The following TCF7L2 variants were observed in gnomAD, a reference collection of about 807,000 sequenced individuals.
TCF7L2 encodes the protein transcription factor 7 like 2.
TCF7L2 carries 23 observed loss-of-function variants against 77.9 expected under a neutral mutation model. The ratio of observed to expected loss-of-function variants is 0.30; its 90% CI spans 0.21 to 0.42. TCF7L2 has a LOEUF of 0.42. Among genes scored for constraint, TCF7L2 ranks in the 10% least tolerant of loss-of-function variants. TCF7L2 has a pLI of 1.00. For synonymous variants in TCF7L2, 413 were observed against 340.2 expected, an observed-to-expected ratio of 1.21 and a Z score of -2.36; for missense variants, 654 against 793.1, an observed-to-expected ratio of 0.82 and a Z score of 2.11.
At chr10:113,051,153 A>C (rs1362631127) in intron 5 of TCF7L2, among the ~76,000 whole-genome samples, 1 of 151,626 alleles carries the variant, frequency 6.6e-6, no homozygotes, top group East Asian at 1.9e-4. Context: ...CCACGCAGAG[A>C]GGATCTAAAT....
chr10:113,088,813 A>C (rs1362875325), intron 5 of TCF7L2, among the ~76,000 whole-genome samples: 1 of 152,006 alleles, frequency 6.6e-6, no homozygotes, highest in East Asian at 1.9e-4. Context: ...AAATAAAAAT[A>C]AAAAGATTAG....
chr10:113,056,057 G>A (rs1345636757), intron 5 of TCF7L2, among the ~76,000 whole-genome samples: 3 of 152,170 alleles, frequency 2.0e-5, no homozygotes, highest in African/African-American at 7.2e-5. Flanking sequence ...GAAAGTGCTA[G>A]GGCAATAAAT....
At position 112,993,333 on chromosome 10, in the gene TCF7L2, C is replaced by G. The variant is rs745875996; in HGVS notation, c.450+28709C>G. Among the ~76,000 whole-genome samples the G allele has an allele frequency of 1.3e-3, 198 of 151,754 alleles. 1 individual carries two copies. The highest frequency in any genetic ancestry group is 1.4e-3 in the Non-Finnish European group (98 of 67,896). On this transcript the variant is annotated intron_variant, in intron 4 of 13. Coordinates refer to ENST00000627217, the MANE Select transcript of TCF7L2 (RefSeq NM_001146274.2). ...TCAGCCTGGCCAACATGGTAAAACC[C>G]TGTCTCTACTAAAAATACAAAAATT... is the stretch of plus-strand genomic sequence containing the variant.
At chr10:113,155,588 G>A (rs1374168451) in intron 11 of TCF7L2, among the ~76,000 whole-genome samples, 2 of 152,222 alleles carry the variant, frequency 1.3e-5, no homozygotes, top group African/African-American at 4.8e-5. Context: ...TTCTTTGTGT[G>A]TAGAGGAATT....
At chr10:113,009,979 T>A (rs143721027) in intron 4 of TCF7L2, among the ~76,000 whole-genome samples, 32 of 152,216 alleles carry the variant, frequency 2.1e-4, no homozygotes, top group African/African-American at 6.3e-4. Context: ...GTTGGGCTTC[T>A]TTAACCCTGT....
chr10:113,060,375 T>C (rs2056232853), intron 5 of TCF7L2, among the ~76,000 whole-genome samples: 1 of 152,154 alleles, frequency 6.6e-6, no homozygotes, highest in South Asian at 2.1e-4. Context: ...CTTAGAAGCC[T>C]TAAAAGGACT....
chr10:113,077,406 C>T (rs1056402787), intron 5 of TCF7L2, among the ~76,000 whole-genome samples: 3 of 152,152 alleles, frequency 2.0e-5, no homozygotes, highest in Admixed American at 6.6e-5. Context: ...TGTATATTTG[C>T]AGAACTATGC....
chr10:113,109,130 T>C (rs1392941378), intron 5 of TCF7L2, among the ~76,000 whole-genome samples: 3 of 152,164 alleles, frequency 2.0e-5, no homozygotes, highest in Non-Finnish European at 4.4e-5. Context: ...TATTTCCAGC[T>C]TTAGAATTGC....
intron 5 of TCF7L2, among the ~76,000 whole-genome samples, chr10:113,136,116 T>A (rs2067351358): frequency 6.6e-6 from 1 of 152,100 alleles, no homozygotes; most frequent in South Asian, 2.1e-4. Flanking sequence ...GGAAAAAAAA[T>A]ATCTTTACCT....
chr10:113,091,486 A>G (rs1229886080), intron 5 of TCF7L2, among the ~76,000 whole-genome samples: 1 of 152,178 alleles, frequency 6.6e-6, no homozygotes, highest in Non-Finnish European at 1.5e-5. Context: ...TAATCCCAGC[A>G]CTTTGGAAGG....
At chr10:112,987,750 TCTG>T (rs2041828452) in intron 4 of TCF7L2, 1 of 155,026 alleles carries the variant, frequency 6.5e-6, no homozygotes, top group Non-Finnish European at 1.4e-5. Context: ...GGCAGAATCA[TCTG>T]CTCCTGTCCC....
intron 5 of TCF7L2, among the ~76,000 whole-genome samples, chr10:113,048,149 T>G (rs1260732367): frequency 6.6e-6 from 1 of 152,174 alleles, no homozygotes; most frequent in African/African-American, 2.4e-5. Context: ...AAGGTTGTTT[T>G]TGTTTCGGCA....
In TCF7L2 at chr10:112,950,710, C is replaced by T. The variant is rs1399120624; in HGVS notation, c.-47C>T. ...GGGGTGATTTTTTTTGGCTTTTCTTCCTCCTTCATTTTTCTTCCAAAATTG... is the reference window on the plus strand; with the variant it reads ...GGGGTGATTTTTTTTGGCTTTTCTTTCTCCTTCATTTTTCTTCCAAAATTG... On this transcript the variant is annotated 5_prime_UTR_variant, in exon 1 of 14. Transcript: ENST00000627217. The T allele has an allele frequency of 4.6e-6, 7 of 1,518,762 alleles. No homozygotes were observed. The highest frequency in any genetic ancestry group is 1.3e-5 in the South Asian group (1 of 78,872). The allele number at this position is 1,518,762 out of a possible 1,614,324, so 94.1% of individuals were successfully genotyped here. A position where few individuals can be genotyped will look rare whatever the true frequency, so the allele number is the denominator to read the frequency against.
chr10:112,974,547 A>G (rs1330247576), intron 4 of TCF7L2, among the ~76,000 whole-genome samples: 1 of 152,052 alleles, frequency 6.6e-6, no homozygotes, highest in Non-Finnish European at 1.5e-5. Flanking sequence ...GAGTTCAAGC[A>G]ATTCTCTGCC....
chr10:113,038,165 C>T (rs1447451480), intron 4 of TCF7L2, among the ~76,000 whole-genome samples: 1 of 152,122 alleles, frequency 6.6e-6, no homozygotes, highest in Non-Finnish European at 1.5e-5. Context: ...TGTCTGGGGG[C>T]TTGGAGTCCT....
intron 4 of TCF7L2, among the ~76,000 whole-genome samples, chr10:112,993,021 C>T (rs542563767): frequency 6.6e-6 from 1 of 152,120 alleles, no homozygotes; most frequent in African/African-American, 2.4e-5. Context: ...CCTCGGCCTC[C>T]GAAAGTGCTG....
chr10:113,039,227 C>T (rs11592706), intron 4 of TCF7L2, among the ~76,000 whole-genome samples: 3,794 of 152,276 alleles, frequency 0.025, 81 homozygotes, highest in Non-Finnish European at 0.042. Context: ...GTCAACTCAT[C>T]GTTCAAATCT....
At chr10:113,113,096 G>A (rs937656113) in intron 5 of TCF7L2, among the ~76,000 whole-genome samples, 11 of 152,034 alleles carry the variant, frequency 7.2e-5, no homozygotes, top group African/African-American at 2.7e-4. Flanking sequence ...GTTAATTAGG[G>A]ACCTCATGAG....
At chr10:113,117,420 TCTCTCTCTCTCTCC>T (rs56875318) in intron 5 of TCF7L2, among the ~76,000 whole-genome samples, 577 of 39,362 alleles carry the variant, frequency 0.015, 94 homozygotes, top group East Asian at 0.039. Context: ...TCTCTCTCTC[TCTCTCTCTCTCTCC>T]CTCTCTCTCT....
Sources: gnomAD v4.1 joint callset for allele counts (sites outside exome capture counted in the v4.1 genomes callset) on GRCh38, gnomAD v4.1.1 for gene constraint, MANE v1.5 for transcripts, NCBI Gene and HGNC (gene_info 2026-07-23, HGNC 2026-07-21) for gene names.